The following PCDH9 variants were observed in gnomAD, a reference collection of about 807,000 sequenced individuals.
PCDH9 encodes protocadherin-9.
PCDH9 carries 24 observed loss-of-function variants against 70.6 expected under a neutral mutation model. That is an observed-to-expected ratio of 0.34 (90% CI 0.25 to 0.48). PCDH9 has a LOEUF of 0.48. Ranked by LOEUF, PCDH9 falls within the 20% of genes least tolerant of loss-of-function variation. The pLI, the probability that PCDH9 is intolerant of heterozygous loss-of-function variation, is 0.99. For missense variants in PCDH9, 1,281 were observed against 1,503.6 expected, an observed-to-expected ratio of 0.85 and a Z score of 2.45; for synonymous variants, 562 against 558.5, an observed-to-expected ratio of 1.01 and a Z score of -0.09.
intron 2 of PCDH9, among the ~76,000 whole-genome samples, chr13:67,057,669 C>T (rs2085449483): frequency 6.6e-6 from 1 of 151,924 alleles, no homozygotes; most frequent in Admixed American, 6.6e-5. Flanking sequence ...AATCCTGGTT[C>T]TACAAATGAC....
intron 3 of PCDH9, among the ~76,000 whole-genome samples, chr13:66,764,266 C>T (rs996388360): frequency 5.3e-4 from 78 of 148,510 alleles, no homozygotes; most frequent in African/African-American, 1.7e-3. Context: ...AAAAAAAAAC[C>T]GAAAACTTTA....
chr13:66,341,748 AC>A (rs869223117), intron 4 of PCDH9, among the ~76,000 whole-genome samples: 3 of 22,068 alleles, frequency 1.4e-4, no homozygotes, highest in Non-Finnish European at 2.7e-3. Context: ...TCCTGTACTA[AC>A]AGGCACAGGA....
chr13:66,359,734 G>A (rs906200006), intron 4 of PCDH9, among the ~76,000 whole-genome samples: 1 of 151,998 alleles, frequency 6.6e-6, no homozygotes, highest in African/African-American at 2.4e-5. Context: ...GAACAGGAAG[G>A]CCTGAATTAA....
chr13:66,951,225 C>A (rs1050766304), intron 2 of PCDH9, among the ~76,000 whole-genome samples: 4 of 151,874 alleles, frequency 2.6e-5, no homozygotes, highest in Non-Finnish European at 5.9e-5. Context: ...GAAATATATA[C>A]CTTTTTTTGT....
intron 2 of PCDH9, among the ~76,000 whole-genome samples, chr13:67,172,213 T>C (rs1048985587): frequency 2.0e-5 from 3 of 152,130 alleles, no homozygotes; most frequent in African/African-American, 7.2e-5. Context: ...TCTAGCATGA[T>C]TGTTCTCACG....
At chr13:66,608,124 C>T (rs2077244197) in intron 4 of PCDH9, among the ~76,000 whole-genome samples, 1 of 151,554 alleles carries the variant, frequency 6.6e-6, no homozygotes, top group Non-Finnish European at 1.5e-5. Context: ...TTGTGGAATA[C>T]TTGTCTTTTA....
At chr13:66,881,797 A>T (rs1227109556) in intron 3 of PCDH9, among the ~76,000 whole-genome samples, 2 of 152,158 alleles carry the variant, frequency 1.3e-5, no homozygotes, top group Non-Finnish European at 2.9e-5. Flanking sequence ...AACCATAGAA[A>T]TGGGACAAAG....
intron 4 of PCDH9, among the ~76,000 whole-genome samples, chr13:66,496,293 A>G (rs1209227433): frequency 6.6e-6 from 1 of 152,144 alleles, no homozygotes; most frequent in African/African-American, 2.4e-5. Context: ...TATCGAAACT[A>G]TCCTCATATC....
intron 4 of PCDH9, among the ~76,000 whole-genome samples, chr13:66,411,044 G>A (rs905197205): frequency 6.6e-6 from 1 of 152,084 alleles, no homozygotes; most frequent in African/African-American, 2.4e-5. Flanking sequence ...AATTTCATCT[G>A]TATTATATTT....
At chr13:66,833,834 T>G (rs944079946) in intron 3 of PCDH9, among the ~76,000 whole-genome samples, 4 of 152,144 alleles carry the variant, frequency 2.6e-5, no homozygotes, top group Non-Finnish European at 4.4e-5. Context: ...AATTTGTAAT[T>G]TAAGCAAATT....
intron 4 of PCDH9, among the ~76,000 whole-genome samples, chr13:66,585,116 T>G (rs1366281935): frequency 6.6e-6 from 1 of 151,978 alleles, no homozygotes; most frequent in Non-Finnish European, 1.5e-5. Flanking sequence ...TACAAAATAT[T>G]GAGTAGGAAA....
At chr13:66,643,277 T>A (rs964000582) in intron 3 of PCDH9, among the ~76,000 whole-genome samples, 1 of 152,100 alleles carries the variant, frequency 6.6e-6, no homozygotes, top group Non-Finnish European at 1.5e-5. Flanking sequence ...AGAGTCCTTA[T>A]AATGATCTTA....
At chr13:66,933,437 T>C (rs2082849515) in intron 2 of PCDH9, among the ~76,000 whole-genome samples, 1 of 152,154 alleles carries the variant, frequency 6.6e-6, no homozygotes, top group Admixed American at 6.5e-5. Flanking sequence ...CATGTTGTAG[T>C]TGGTATTCTT....
intron 2 of PCDH9, among the ~76,000 whole-genome samples, chr13:67,184,541 C>T (rs1479204626): frequency 6.6e-6 from 1 of 152,110 alleles, no homozygotes; most frequent in African/African-American, 2.4e-5. Context: ...CCAGCCAGAG[C>T]AATACGGTGA....
chr13:67,225,279 G>GTTT, intron 2 of PCDH9, 126 bp downstream of exon 2: 1 of 1,266,704 alleles, frequency 7.9e-7, no homozygotes. Context: ...AAGGGGTCAA[G>GTTT]TTTTTTTTTA....
At chr13:66,826,548 A>G (rs917105011) in intron 3 of PCDH9, among the ~76,000 whole-genome samples, 2 of 152,192 alleles carry the variant, frequency 1.3e-5, no homozygotes, top group South Asian at 2.1e-4. Context: ...TACTCAATAT[A>G]TATTTATGAG....
At chr13:66,739,061 G>A (rs2079209047) in intron 3 of PCDH9, among the ~76,000 whole-genome samples, 1 of 127,064 alleles carries the variant, frequency 7.9e-6, no homozygotes, top group Admixed American at 8.3e-5. Flanking sequence ...AAGTTGAAAT[G>A]AAGGAAAAAA....
rs758366488 is a variant in PCDH9, at chr13:67,227,178, T to C, written c.1263A>G (p.Leu421=). 3.1e-6 allele frequency: 5 copies of C among 1,613,162 alleles called. No individual in the cohort carries two copies. The highest frequency in any genetic ancestry group is 1.7e-5 in the Admixed American group (1 of 60,006). ...LKAVYDNQYL[L]ETSSLLDYEG... is the part of the protein sequence containing the mutation. ...CATAGTCCAACAAAGAAGAGGTCTC[T>C]AACAAATATTGGTTGTCATATACCG... Residue 421 remains leucine, a synonymous_variant, in exon 2 of 5, where the codon TTA becomes TTG. Transcript: ENST00000377865. This position sits in a 1 kb window ranked among gnomAD's most constrained non-coding sequence, Gnocchi z 4.6.
chr13:67,063,721 G>C (rs896967422), intron 2 of PCDH9, among the ~76,000 whole-genome samples: 2 of 152,122 alleles, frequency 1.3e-5, no homozygotes, highest in African/African-American at 4.8e-5. Context: ...CAAAACGTCT[G>C]TGAGCAAATT....
Sources: allele counts gnomAD v4.1 joint callset (sites outside exome capture counted in the v4.1 genomes callset), GRCh38; gene constraint gnomAD v4.1.1; non-coding constraint Gnocchi (gnomAD v3.1); transcripts MANE v1.5; gene names NCBI Gene and HGNC (gene_info 2026-07-23, HGNC 2026-07-21).